The following DIAPH2 variants were observed in gnomAD, a reference collection of about 807,000 sequenced individuals.
The protein encoded by DIAPH2 is protein diaphanous homolog 2.
In DIAPH2, 35 loss-of-function variants were observed where a neutral mutation model predicts 92.7. That is an observed-to-expected ratio of 0.38 (90% CI 0.29 to 0.50). The LOEUF is 0.50. Ranked by LOEUF, DIAPH2 falls within the 20% of genes least tolerant of loss-of-function variation. The pLI is 0.94. For missense variants in DIAPH2, 701 were observed against 819.5 expected, an observed-to-expected ratio of 0.86 and a Z score of 1.77; for synonymous variants, 301 against 280.4, an observed-to-expected ratio of 1.07 and a Z score of -0.73.
chrX:97,129,210 A>G (rs1221493167), intron 21 of DIAPH2, among the ~76,000 whole-genome samples: 1 of 93,547 alleles, frequency 1.1e-5, no homozygotes, highest in African/African-American at 4.4e-5. Context: ...TCTGTCACCC[A>G]GGCTAGAGTG....
intron 25 of DIAPH2, among the ~76,000 whole-genome samples, chrX:97,398,146 A>T (rs957992371): frequency 1.2e-4 from 13 of 112,486 alleles, no homozygotes; most frequent in African/African-American, 4.2e-4. Context: ...TTTTAAAAAG[A>T]TGCTTAACTT....
At chrX:96,952,956 T>TA (rs766501976) in intron 15 of DIAPH2, among the ~76,000 whole-genome samples, 100 of 99,555 alleles carry the variant, frequency 1.0e-3, no homozygotes, top group East Asian at 3.4e-3. Context: ...GACCCCATCT[T>TA]AAAAAAAAAA....
intron 24 of DIAPH2, among the ~76,000 whole-genome samples, chrX:97,368,362 A>C (rs1206821068): frequency 2.7e-5 from 3 of 111,873 alleles, no homozygotes; most frequent in African/African-American, 6.5e-5. Context: ...GCATTTCCCA[A>C]ACGTTCAGCA....
chrX:97,296,685 T>G (rs2068645888), intron 23 of DIAPH2, among the ~76,000 whole-genome samples: 1 of 112,400 alleles, frequency 8.9e-6, no homozygotes, highest in African/African-American at 3.2e-5. Context: ...TTAGGGCATT[T>G]GCCCCATCTA....
chrX:97,234,466 A>G (rs765764492), intron 22 of DIAPH2, among the ~76,000 whole-genome samples: 5 of 111,015 alleles, frequency 4.5e-5, no homozygotes, highest in Non-Finnish European at 9.4e-5. Flanking sequence ...ATCCCTCCCC[A>G]AGGGGGCATT....
At chrX:96,833,092 T>C (rs1217221696) in intron 4 of DIAPH2, among the ~76,000 whole-genome samples, 3 of 111,158 alleles carry the variant, frequency 2.7e-5, no homozygotes, top group Non-Finnish European at 5.7e-5. Context: ...GCTCCCTTGT[T>C]TTTACTTTTT....
At chrX:96,803,260 TG>T (rs2064597893) in intron 4 of DIAPH2, among the ~76,000 whole-genome samples, 1 of 110,714 alleles carries the variant, frequency 9.0e-6, no homozygotes, top group African/African-American at 3.3e-5. Context: ...CATCATCACT[TG>T]ATATTGTCAA....
At chrX:97,049,384 G>A (rs1428813655) in intron 17 of DIAPH2, among the ~76,000 whole-genome samples, 1 of 110,603 alleles carries the variant, frequency 9.0e-6, no homozygotes, top group South Asian at 3.8e-4. Flanking sequence ...AATAGAATTC[G>A]ACAAGAGATT....
At chrX:97,550,298 A>G (rs1243547650) in intron 26 of DIAPH2, among the ~76,000 whole-genome samples, 4 of 112,263 alleles carry the variant, frequency 3.6e-5, no homozygotes, top group Non-Finnish European at 7.5e-5. Flanking sequence ...GGCGGAGGTT[A>G]CAGTGGGCCG....
intron 26 of DIAPH2, among the ~76,000 whole-genome samples, chrX:97,515,790 G>A (rs1428301883): frequency 9.0e-6 from 1 of 110,593 alleles, no homozygotes; most frequent in African/African-American, 3.3e-5. Flanking sequence ...GCAAGGGGAA[G>A]GTGAGAGTGA....
At chrX:97,343,242 A>G (rs2069127144) in intron 23 of DIAPH2, among the ~76,000 whole-genome samples, 1 of 111,811 alleles carries the variant, frequency 8.9e-6, no homozygotes, top group African/African-American at 3.3e-5. Flanking sequence ...AGAGATTGGG[A>G]TAGGAGAGAT....
At chrX:96,908,757 G>A (rs1226139849) in intron 5 of DIAPH2, among the ~76,000 whole-genome samples, 13 of 110,925 alleles carry the variant, frequency 1.2e-4, no homozygotes, top group Non-Finnish European at 1.5e-4. Flanking sequence ...CCGCCACCAC[G>A]CCCAGCTAAT....
intron 22 of DIAPH2, among the ~76,000 whole-genome samples, chrX:97,205,114 C>G (rs2067785711): frequency 8.9e-6 from 1 of 111,807 alleles, no homozygotes; most frequent in South Asian, 3.7e-4. Context: ...GGAAAACTGG[C>G]TAGCCATATG....
rs761788978 is a variant in DIAPH2 at position 97,544,097 on chromosome X, T to C, written c.3242-55156T>C. Among the ~76,000 whole-genome samples, 3 of 111,620 alleles carry C rather than the reference T, an allele frequency of 2.7e-5. No homozygotes were observed. The East Asian group carries it at 8.4e-4, about 31-fold the overall frequency. On this transcript the variant is annotated intron_variant, in intron 26 of 26. Coordinates refer to ENST00000324765, the MANE Select transcript of DIAPH2 (RefSeq NM_006729.5). ...ATAGAAAAGAAATTGCTTCATGTTA[T>C]ACTTATTCATCAAAAGCACAAGAAG... is the stretch of plus-strand genomic sequence containing the variant.
At chrX:97,023,865 A>C (rs1602724581) in intron 17 of DIAPH2, among the ~76,000 whole-genome samples, 1 of 112,472 alleles carries the variant, frequency 8.9e-6, no homozygotes, top group East Asian at 2.8e-4. Context: ...CTTAGCAGTG[A>C]TGCTACACAT....
chrX:96,837,587 A>G (rs2064907806), intron 4 of DIAPH2, among the ~76,000 whole-genome samples: 1 of 110,796 alleles, frequency 9.0e-6, no homozygotes, highest in East Asian at 2.8e-4. Context: ...GGCAGGAACT[A>G]TGTTTTCTTT....
intron 24 of DIAPH2, among the ~76,000 whole-genome samples, chrX:97,378,609 G>T (rs918266363): frequency 5.4e-5 from 6 of 111,962 alleles, no homozygotes; most frequent in African/African-American, 1.9e-4. Context: ...TACTTGAAAG[G>T]TTGAAGCAGG....
At chrX:97,044,443 A>G (rs2066467515) in intron 17 of DIAPH2, among the ~76,000 whole-genome samples, 1 of 111,339 alleles carries the variant, frequency 9.0e-6, no homozygotes, top group African/African-American at 3.3e-5. Context: ...TTGATGACCT[A>G]CCTCATAATT....
intron 24 of DIAPH2, among the ~76,000 whole-genome samples, chrX:97,375,628 G>A (rs1427201660): frequency 8.9e-6 from 1 of 111,999 alleles, no homozygotes; most frequent in Non-Finnish European, 1.9e-5. Flanking sequence ...TGCCTTTCCT[G>A]TTTCATTGTC....
Sources: gnomAD v4.1 joint callset for allele counts (sites outside exome capture counted in the v4.1 genomes callset) on GRCh38, gnomAD v4.1.1 for gene constraint, MANE v1.5 for transcripts, NCBI Gene and HGNC (gene_info 2026-07-23, HGNC 2026-07-21) for gene names.